TBX21: variants seen among roughly 807,000 people sequenced by gnomAD.
TBX21 encodes the protein T-box transcription factor TBX21.
TBX21 carries 11 observed loss-of-function variants against 52.2 expected under a neutral mutation model. The observed-to-expected ratio is 0.21, with a 90% CI of 0.13 to 0.35. The LOEUF is 0.35. TBX21 is among the 10% of genes least tolerant of loss of function. TBX21 has a pLI of 1.00. For missense variants in TBX21, 625 were observed against 755.1 expected, an observed-to-expected ratio of 0.83 and a Z score of 2.02; for synonymous variants, 300 against 316.1, an observed-to-expected ratio of 0.95 and a Z score of 0.54.
chr17:47,734,601 G>GTA (rs2032185327), intron 1 of TBX21, among the ~76,000 whole-genome samples: 40 of 116,342 alleles, frequency 3.4e-4, no homozygotes, highest in Middle Eastern at 4.4e-3. Context: ...GTGTGTGTGT[G>GTA]TGTGTGTGTA....
At chr17:47,739,096 G>A (rs1373762420) in intron 1 of TBX21, among the ~76,000 whole-genome samples, 6 of 152,054 alleles carry the variant, frequency 3.9e-5, no homozygotes, top group Non-Finnish European at 2.9e-5. Context: ...TGGGGTCTTG[G>A]ACCCTGTCTT....
In TBX21 at chr17:47,742,281, C is replaced by T. The variant is rs971534062; in HGVS notation, c.492-329C>T. 7.2e-5 allele frequency among the ~76,000 whole-genome samples: 11 copies of T among 152,056 alleles called. No homozygotes were observed. Among genetic ancestry groups the T allele is most frequent in the African/African-American group, 2.4e-4 (10 of 41,396 alleles). On this transcript the variant is annotated intron_variant, in intron 1 of 5. Transcript: ENST00000177694. The surrounding 1 kb of genome is among the most constrained non-coding windows in gnomAD (Gnocchi z 4.4). The stretch of plus-strand genomic sequence containing the variant: ...CTTTTTAGTAGAGACGGGGTTTCGC[C>T]ATGTTGGCCAGGCTGGTCTCGAACT...
intron 1 of TBX21, among the ~76,000 whole-genome samples, chr17:47,736,716 A>G (rs1240802635): frequency 6.6e-6 from 1 of 152,124 alleles, no homozygotes; most frequent in Admixed American, 6.6e-5. Context: ...CTGGGAAATC[A>G]GTGGCCATTT....
Position 47,733,857 on chromosome 17 carries a change from G to C in TBX21, c.403G>C (p.Gly135Arg). The C allele has an allele frequency of 6.2e-7, 1 of 1,612,524 alleles. No homozygotes were observed. Among genetic ancestry groups the C allele is most frequent in the Non-Finnish European group, 8.5e-7 (1 of 1,179,618 alleles). Residue 135 changes from glycine (G) to arginine (R), a missense_variant, in exon 1 of 6, where the codon GGG becomes CGG. By Grantham distance (125) the Gly-to-Arg change is moderately radical. This residue lies in a region of TBX21 where 142 missense variants were observed against 258.5 expected (regional missense o/e 0.55). Transcript: ENST00000177694. The surrounding 1 kb of genome is among the most constrained non-coding windows in gnomAD (Gnocchi z 6.6). ...YALPAGLEVS[G>R]KLRVALNNHL... Reference sequence around the variant, plus strand: ...GCTACCCGCGGGACTGGAGGTGTCGGGGAAACTGAGGGTCGCGCTCAACAA... The same window carrying C: ...GCTACCCGCGGGACTGGAGGTGTCGCGGAAACTGAGGGTCGCGCTCAACAA...
chr17:47,738,660 G>T (rs2032234803), intron 1 of TBX21, among the ~76,000 whole-genome samples: 1 of 151,820 alleles, frequency 6.6e-6, no homozygotes, highest in Non-Finnish European at 1.5e-5. Context: ...AAGTGCAGTG[G>T]CATGATCTCT....
chr17:47,734,622 G>GTGTGTGTGTGTGT (rs1567918990), intron 1 of TBX21, among the ~76,000 whole-genome samples: 4 of 99,506 alleles, frequency 4.0e-5, no homozygotes, highest in Non-Finnish European at 8.2e-5. Context: ...TGTGTGTGTG[G>GTGTGTGTGTGTGT]GTGTGTGTGT....
chr17:47,743,357 C>T (rs11079788), intron 3 of TBX21, among the ~76,000 whole-genome samples, 165 bp downstream of exon 3: 33,915 of 152,012 alleles, frequency 0.22, 3,972 homozygotes, highest in Middle Eastern at 0.3. Context: ...GTCATTTTTC[C>T]TCCTTCCTAA....
At chr17:47,740,645 A>G (rs2032258227) in intron 1 of TBX21, among the ~76,000 whole-genome samples, 2 of 152,118 alleles carry the variant, frequency 1.3e-5, no homozygotes, top group Admixed American at 1.3e-4. Context: ...CAGGAGAATC[A>G]CTTGAACCTG....
At chr17:47,743,668 T>G (rs1435014082) in intron 3 of TBX21, among the ~76,000 whole-genome samples, 1 of 151,702 alleles carries the variant, frequency 6.6e-6, no homozygotes, top group Admixed American at 6.6e-5. Context: ...GATCACAAGG[T>G]CAGGAGTTCA....
intron 1 of TBX21, among the ~76,000 whole-genome samples, chr17:47,738,893 G>A (rs2032237594): frequency 6.6e-6 from 1 of 152,178 alleles, no homozygotes; most frequent in African/African-American, 2.4e-5. Flanking sequence ...GAGCCACCAC[G>A]CCGGGCCAAT....
intron 4 of TBX21, 31 bp downstream of exon 4, chr17:47,744,384 AG>A (rs1266340362): frequency 4.3e-6 from 7 of 1,614,038 alleles, no homozygotes; most frequent in Non-Finnish European, 5.9e-6. Flanking sequence ...GGTGGGGAGG[AG>A]GGCAGAGTGG....
chr17:47,745,477 T>C lies in TBX21; in HGVS notation c.*111T>C. On this transcript the variant is annotated 3_prime_UTR_variant, in exon 6 of 6. Coordinates refer to ENST00000177694, the MANE Select transcript of TBX21 (RefSeq NM_013351.2). ...AGGCCCCCGCTCCCTCTGGCCCTTCTCTGTTTAGTAGTTGGTTGGGGAAGT... is the reference window on the plus strand; with the variant it reads ...AGGCCCCCGCTCCCTCTGGCCCTTCCCTGTTTAGTAGTTGGTTGGGGAAGT... The C allele has an allele frequency of 6.9e-7, 1 of 1,446,326 alleles. No homozygotes were observed. The highest frequency in any genetic ancestry group is 9.2e-7 in the Non-Finnish European group (1 of 1,087,902). The allele number at this position is 1,446,326 out of a possible 1,614,324, so 89.6% of individuals were successfully genotyped here.
chr17:47,741,448 A>C (rs1459656998), intron 1 of TBX21, among the ~76,000 whole-genome samples: 3 of 152,152 alleles, frequency 2.0e-5, no homozygotes, highest in African/African-American at 4.8e-5. Context: ...ATCATACAGC[A>C]TCCCACCCCC....
Position 47,733,618 on chromosome 17 carries a change from G to T in TBX21, c.164G>T (p.Gly55Val), listed in dbSNP as rs1263697089. The T allele has an allele frequency of 1.4e-6, 2 of 1,454,510 alleles. No individual in the cohort carries two copies. Among genetic ancestry groups the T allele is most frequent in the Non-Finnish European group, 1.8e-6 (2 of 1,110,160 alleles). The allele number at this position is 1,454,510 out of a possible 1,614,324, so 90.1% of individuals were successfully genotyped here. ...GAGCGTCGCGGGGGCGGCAGCCTGG[G>T]GTCTCCCTACCCGGGGGGCGCCTTG... ...ADERRGGGSL[G>V]SPYPGGALVP... is the part of the protein sequence containing the mutation. Residue 55 changes from glycine to valine, a missense_variant, in exon 1 of 6, where the codon GGG (glycine) becomes GTG (valine). Physicochemically the swap from Gly to Val is moderately radical, Grantham distance 109. Coordinates refer to ENST00000177694, the MANE Select transcript of TBX21 (RefSeq NM_013351.2). The surrounding 1 kb of genome is among the most constrained non-coding windows in gnomAD (Gnocchi z 6.6).
rs1205295397 is a variant in TBX21, at chr17:47,744,209, G to T, written c.783G>T (p.Gln261His). Residue 261 changes from glutamine to histidine, a missense_variant, in exon 4 of 6, where the codon CAG becomes CAT. Transcript: ENST00000177694. Reference protein sequence around the residue: ...SNNVTQMIVLQSLHKYQPRLH... With the variant: ...SNNVTQMIVLHSLHKYQPRLH... ...TCTGTCTACAGATGATTGTGCTCCA[G>T]TCCCTCCATAAGTACCAGCCCCGGC... The T allele has an allele frequency of 6.2e-7, 1 of 1,614,078 alleles. No individual in the cohort carries two copies.
At position 47,743,067 on chromosome 17, in the gene TBX21, A is replaced by G; in HGVS notation, c.647-4A>G. The G allele has an allele frequency of 6.2e-7, 1 of 1,614,024 alleles. No individual in the cohort carries two copies. The highest frequency in any genetic ancestry group is 8.5e-7 in the Non-Finnish European group (1 of 1,179,982). ...TGCATGTCAAAGAGGTGAACTGTCC[A>G]CAGGAAACCGCCTGTACGTCCACCC... On this transcript the variant is annotated splice_region_variant and splice_polypyrimidine_tract_variant and intron_variant, in intron 2 of 5. Transcript: ENST00000177694.
At chr17:47,743,306 A>T (rs2032288661) in intron 3 of TBX21, 114 bp downstream of exon 3, 1 of 1,363,242 alleles carries the variant, frequency 7.3e-7, no homozygotes, top group Admixed American at 2.4e-5. Flanking sequence ...CTTCCTTCCT[A>T]CAGGAAGGAA....
Position 47,737,782 on chromosome 17 carries a change from A to C in TBX21, c.491+3837A>C, listed in dbSNP as rs2032222155. On this transcript the variant is annotated intron_variant, in intron 1 of 5. Coordinates refer to ENST00000177694, the MANE Select transcript of TBX21 (RefSeq NM_013351.2). ...CTGGGATTACAGGCAGAAGCCACCA[A>C]GCCCAGCTAATTTATGTATTTTTAG... Among the ~76,000 whole-genome samples the C allele has an allele frequency of 2.0e-5, 3 of 150,480 alleles. No individual in the cohort carries two copies. The South Asian group carries it at 6.3e-4, about 32-fold the overall frequency.
At chr17:47,739,761 C>CAAA (rs1168513669) in intron 1 of TBX21, among the ~76,000 whole-genome samples, 13 of 116,120 alleles carry the variant, frequency 1.1e-4, no homozygotes, top group Admixed American at 1.8e-4. Context: ...GACTCCGTCT[C>CAAA]AAAAAAAAAA....
Sources: gnomAD v4.1 joint callset for allele counts (sites outside exome capture counted in the v4.1 genomes callset) on GRCh38, gnomAD v4.1.1 for gene constraint, gnomAD v4.1.1 regional missense constraint, Gnocchi (gnomAD v3.1) non-coding constraint, MANE v1.5 for transcripts, NCBI Gene and HGNC (gene_info 2026-07-23, HGNC 2026-07-21) for gene names.